ACBD3: variants seen among roughly 807,000 people sequenced by gnomAD.
The protein encoded by ACBD3 is Golgi resident protein GCP60.
In ACBD3, 30 loss-of-function variants were observed where a neutral mutation model predicts 66.9. That is an observed-to-expected ratio of 0.45 (90% CI 0.34 to 0.61). ACBD3 has a LOEUF of 0.61. Ranked by LOEUF, ACBD3 falls within the 20% of genes least tolerant of loss-of-function variation. The pLI, the probability that ACBD3 is intolerant of heterozygous loss-of-function variation, is 0.02. For synonymous variants in ACBD3, 278 were observed against 259.8 expected, an observed-to-expected ratio of 1.07 and a Z score of -0.68; for missense variants, 544 against 664.5, an observed-to-expected ratio of 0.82 and a Z score of 1.99.
At chr1:226,184,296 T>C (rs149278436) in intron 1 of ACBD3, among the ~76,000 whole-genome samples, 1 of 152,382 alleles carries the variant, frequency 6.6e-6, no homozygotes, top group East Asian at 1.9e-4. Context: ...TAGTGTCTCA[T>C]ATACTAACAG....
intron 7 of ACBD3, among the ~76,000 whole-genome samples, chr1:226,149,910 G>C (rs1659534600): frequency 6.6e-6 from 1 of 151,994 alleles, no homozygotes; most frequent in African/African-American, 2.4e-5. Flanking sequence ...GACATCTGCA[G>C]ACAGTCTGAC....
chr1:226,161,649 T>C lies in ACBD3; in HGVS notation c.610A>G (p.Arg204Gly), dbSNP rs1659777659. ...TCTTCCTCCTTTTGCAGACGTTCTC[T>C]TTCTTCCTCTTCACGCCGCCTTCGC... is the stretch of plus-strand genomic sequence containing the variant. ...EERRRREEEERERLQKEEEKR... is the reference protein window; with the variant it reads ...EERRRREEEEGERLQKEEEKR... The change falls in exon 4 of 8, where the codon AGA becomes GGA. Residue 204 changes from arginine to glycine, a missense_variant. By Grantham distance (125) the Arg-to-Gly change is moderately radical. Transcript: ENST00000366812. 1.9e-6 allele frequency: 3 copies of C among 1,611,780 alleles called. No individual in the cohort carries two copies. Among genetic ancestry groups the C allele is most frequent in the African/African-American group, 2.7e-5 (2 of 74,908 alleles).
chr1:226,180,733 T>A lies in ACBD3; in HGVS notation c.286+5657A>T, dbSNP rs117084840. On this transcript the variant is annotated intron_variant, in intron 1 of 7. Transcript: ENST00000366812. ...ACATATACACACTGGGCACAGTGGC[T>A]CACGCCTGTAATTCTAGCACTTTGG... Among the ~76,000 whole-genome samples, 29 of 152,318 alleles carry A rather than the reference T, an allele frequency of 1.9e-4. No individual in the cohort carries two copies. The East Asian group carries it at 5.6e-3, about 29-fold the overall frequency.
chr1:226,153,519 C>T (rs1278743454), intron 6 of ACBD3, among the ~76,000 whole-genome samples: 2 of 152,164 alleles, frequency 1.3e-5, no homozygotes, highest in East Asian at 3.8e-4. Flanking sequence ...GCCTCTCTGA[C>T]TAGGTCACAC....
intron 1 of ACBD3, among the ~76,000 whole-genome samples, chr1:226,180,257 CTAACTGCTTAGT>C (rs1288081666): frequency 6.6e-6 from 1 of 151,412 alleles, no homozygotes; most frequent in Non-Finnish European, 1.5e-5. Flanking sequence ...CTAGCATATA[CTAACTGCTTAGT>C]AAAAGTTTTA....
At chr1:226,185,117 C>T (rs1485361076) in intron 1 of ACBD3, among the ~76,000 whole-genome samples, 1 of 152,136 alleles carries the variant, frequency 6.6e-6, no homozygotes, top group Admixed American at 6.5e-5. Context: ...TATATCATCA[C>T]TACAGCAAAC....
At chr1:226,165,720 G>A in intron 2 of ACBD3, 139 bp downstream of exon 2, 2 of 840,860 alleles carry the variant, frequency 2.4e-6, no homozygotes, top group Non-Finnish European at 3.4e-6. Context: ...AATATCTGAA[G>A]ACTCCAGAAG....
At chr1:226,152,733 CTAGCT>C (rs1179623513) in intron 6 of ACBD3, 114 bp from the exon 7 acceptor site, 1 of 1,030,838 alleles carries the variant, frequency 9.7e-7, no homozygotes, top group Admixed American at 2.4e-5. Context: ...ACAATATGGT[CTAGCT>C]TAGATCAAGG....
At chr1:226,186,298 G>A (rs1467752511) in intron 1 of ACBD3, 92 bp downstream of exon 1, 4 of 1,392,550 alleles carry the variant, frequency 2.9e-6, no homozygotes, top group African/African-American at 1.5e-5. Flanking sequence ...GTGGGTGAGG[G>A]CAAGTCTGGT....
At chr1:226,166,963 ATTT>A (rs1189570210) in intron 1 of ACBD3, among the ~76,000 whole-genome samples, 1 of 151,760 alleles carries the variant, frequency 6.6e-6, no homozygotes, top group Non-Finnish European at 1.5e-5. Context: ...CATCTGGTTA[ATTT>A]TTTACTTTTT....
chr1:226,151,319 T>A (rs190777456), intron 7 of ACBD3, among the ~76,000 whole-genome samples: 2 of 152,242 alleles, frequency 1.3e-5, no homozygotes, highest in African/African-American at 2.4e-5. Context: ...ATGCATTCCA[T>A]ATCACTTTCA....
chr1:226,186,277 G>T, intron 1 of ACBD3, 113 bp downstream of exon 1: 3 of 1,301,492 alleles, frequency 2.3e-6, no homozygotes, highest in African/African-American at 1.6e-5. Context: ...AGTCACCACA[G>T]CCCAGTATGA....
At chr1:226,152,765 A>G in intron 6 of ACBD3, 146 bp from the exon 7 acceptor site, 1 of 767,368 alleles carries the variant, frequency 1.3e-6, no homozygotes, top group Non-Finnish European at 2.1e-6. Context: ...AGGAATAAAA[A>G]AGCCTCCCCA....
Position 226,159,288 on chromosome 1 carries a change from G to C in ACBD3, c.799C>G (p.Pro267Ala), listed in dbSNP as rs749902009. 9.3e-6 allele frequency: 15 copies of C among 1,614,060 alleles called. No individual in the cohort carries two copies. Among genetic ancestry groups the C allele is most frequent in the African/African-American group, 1.3e-5 (1 of 74,926 alleles). ...QFQQYAAQQYPGNYEQQQILI... is the reference protein window; with the variant it reads ...QFQQYAAQQYAGNYEQQQILI... ...ATTTGCTGCTGTTCGTAGTTCCCTG[G>C]ATACTGTTGGGCTGCATACTGCTGG... is the stretch of plus-strand genomic sequence containing the variant. The change falls in exon 5 of 8, where the codon CCA (proline) becomes GCA (alanine). Residue 267 changes from proline to alanine, a missense_variant. Coordinates refer to ENST00000366812, the MANE Select transcript of ACBD3 (RefSeq NM_022735.4).
rs1426504433 is a variant in ACBD3 at position 226,144,686 on chromosome 1, T to C, written c.*1924A>G. On this transcript the variant is annotated 3_prime_UTR_variant, in exon 8 of 8. Coordinates refer to ENST00000366812, the MANE Select transcript of ACBD3 (RefSeq NM_022735.4). Reference sequence around the variant, plus strand: ...TAATGAAACATCAACAAGTTACAGATAAACATTTTAATTGATTAAATATAT... The same window carrying C: ...TAATGAAACATCAACAAGTTACAGACAAACATTTTAATTGATTAAATATAT... The C allele has an allele frequency of 1.3e-5, 2 of 152,438 alleles. No individual in the cohort carries two copies. The highest frequency in any genetic ancestry group is 2.9e-5 in the Non-Finnish European group (2 of 68,038). The allele number at this position is 152,438 out of a possible 1,614,324, so 9.4% of individuals were successfully genotyped here.
intron 1 of ACBD3, among the ~76,000 whole-genome samples, chr1:226,178,394 C>T (rs1355306437): frequency 1.3e-5 from 2 of 151,666 alleles, no homozygotes; most frequent in Non-Finnish European, 2.9e-5. Flanking sequence ...CATGGTAAAA[C>T]CCCGTCTCTA....
At chr1:226,166,106 T>C in intron 1 of ACBD3, 106 bp from the exon 2 acceptor site, 1 of 1,253,446 alleles carries the variant, frequency 8.0e-7, no homozygotes, top group Non-Finnish European at 1.1e-6. Flanking sequence ...AAACTGCCTG[T>C]AATAGACACA....
chr1:226,163,818 T>C (rs1322727198), intron 3 of ACBD3, among the ~76,000 whole-genome samples: 1 of 152,208 alleles, frequency 6.6e-6, no homozygotes, highest in Non-Finnish European at 1.5e-5. Flanking sequence ...AGAGAATCAA[T>C]TGTTTTTAAA....
chr1:226,150,454 C>A (rs1433784794), intron 7 of ACBD3, among the ~76,000 whole-genome samples: 1 of 152,024 alleles, frequency 6.6e-6, no homozygotes, highest in Non-Finnish European at 1.5e-5. Context: ...TCTCGGCTCA[C>A]TGCAACCTCT....
Sources: gnomAD v4.1 joint callset for allele counts (sites outside exome capture counted in the v4.1 genomes callset) on GRCh38, gnomAD v4.1.1 for gene constraint, MANE v1.5 for transcripts, NCBI Gene and HGNC (gene_info 2026-07-23, HGNC 2026-07-21) for gene names.